NSF: variants seen among roughly 807,000 people sequenced by gnomAD.
NSF encodes the protein vesicle-fusing ATPase.
In NSF, 14 loss-of-function variants were observed where a neutral mutation model predicts 50.3. That is an observed-to-expected ratio of 0.28 (90% CI 0.18 to 0.44). The LOEUF is 0.44. Among genes scored for constraint, NSF ranks in the 20% least tolerant of loss-of-function variants. NSF has a pLI of 1.00. For synonymous variants in NSF, 109 were observed against 175.7 expected, an observed-to-expected ratio of 0.62 and a Z score of 3.00; for missense variants, 218 against 504.3, an observed-to-expected ratio of 0.43 and a Z score of 5.44.
Position 46,751,635 on chromosome 17 carries a change from C to T in NSF, c.2157+19C>T, listed in dbSNP as rs201877473. ...CCTACAGGTAAGGTACTTCGTTCTC[C>T]GTATGACTCAGACAGAACAAAGCTT... On this transcript the variant is annotated intron_variant, in intron 19 of 20. Transcript: ENST00000398238. 5.5e-4 allele frequency: 830 copies of T among 1,498,280 alleles called. 5 individuals are homozygous for T. The African/African-American group carries it at 0.01, about 18-fold the overall frequency. 92.8% of individuals were successfully genotyped at this position (1,498,280 alleles called of 1,614,324 possible). A position where few individuals can be genotyped will look rare whatever the true frequency, so the allele number is the denominator to read the frequency against.
chr17:46,741,588 CAAAAA>C (rs113562005), intron 17 of NSF, among the ~76,000 whole-genome samples: 24 of 144,884 alleles, frequency 1.7e-4, no homozygotes, highest in Admixed American at 1.2e-3. Flanking sequence ...CATTTAACTG[CAAAAA>C]AAAAAGAAAA....
At position 46,704,860 on chromosome 17, in the gene NSF, T is replaced by C; in HGVS notation, c.1470+6T>C. 6.3e-7 allele frequency: 1 copy of C among 1,596,488 alleles called. No individual in the cohort carries two copies. Among genetic ancestry groups the C allele is most frequent in the Non-Finnish European group, 8.5e-7 (1 of 1,175,852 alleles). On this transcript the variant is annotated splice_donor_region_variant and intron_variant, in intron 13 of 20. Transcript: ENST00000398238. Reference sequence around the variant, plus strand: ...TGGAGAATGATATCAAACCAGTGAGTATGCCCATTGAGTGATATATAGGCC... The same window carrying C: ...TGGAGAATGATATCAAACCAGTGAGCATGCCCATTGAGTGATATATAGGCC...
At chr17:46,750,924 A>T (rs2059176234) in intron 18 of NSF, among the ~76,000 whole-genome samples, 1 of 152,056 alleles carries the variant, frequency 6.6e-6, no homozygotes, top group African/African-American at 2.4e-5. Context: ...TTTTTTGAAA[A>T]TGACAGTCAT....
intron 16 of NSF, among the ~76,000 whole-genome samples, chr17:46,727,176 G>A (rs2058897618): frequency 6.6e-6 from 1 of 152,166 alleles, no homozygotes; most frequent in Non-Finnish European, 1.5e-5. Context: ...TAAAAGTGCA[G>A]TATAGTAATT....
chr17:46,724,932 T>A lies in NSF; in HGVS notation c.1762-1617T>A, dbSNP rs375450844. On this transcript the variant is annotated intron_variant, in intron 15 of 20. Coordinates refer to ENST00000398238, the MANE Select transcript of NSF (RefSeq NM_006178.4). ...CATTCCCTGACTTCAATCAGATATC[T>A]CCAACTTCTCACTTAATATTTCTAC... 1.2e-3 allele frequency among the ~76,000 whole-genome samples: 188 copies of A among 152,256 alleles called. 1 individual carries two copies. The highest frequency in any genetic ancestry group is 4.4e-3 in the African/African-American group (183 of 41,556).
At chr17:46,724,760 C>T (rs1276478838) in intron 15 of NSF, among the ~76,000 whole-genome samples, 10 of 152,104 alleles carry the variant, frequency 6.6e-5, no homozygotes, top group Admixed American at 6.6e-4. Context: ...AATAAGAATT[C>T]AAAAATATTT....
chr17:46,720,331 G>A (rs556990621), intron 15 of NSF, among the ~76,000 whole-genome samples: 2 of 152,254 alleles, frequency 1.3e-5, no homozygotes, highest in African/African-American at 2.4e-5. Context: ...TCTCTTTGGC[G>A]TAGAAAGGAG....
At chr17:46,717,456 T>G (rs2058784150) in intron 15 of NSF, among the ~76,000 whole-genome samples, 1 of 152,180 alleles carries the variant, frequency 6.6e-6, no homozygotes, top group Non-Finnish European at 1.5e-5. Context: ...TTCACGCCTG[T>G]AATCCCAGCA....
chr17:46,720,266 G>A (rs2058816180), intron 15 of NSF, among the ~76,000 whole-genome samples: 1 of 152,224 alleles, frequency 6.6e-6, no homozygotes, highest in Non-Finnish European at 1.5e-5. Context: ...TATGGCTGGG[G>A]AGGTGGGCAT....
chr17:46,657,317 A>G (rs1197714457), intron 8 of NSF, among the ~76,000 whole-genome samples: 2 of 148,952 alleles, frequency 1.3e-5, no homozygotes, highest in East Asian at 2.0e-4. Flanking sequence ...GATCAAAGCA[A>G]TCACTAAGCA....
chr17:46,735,718 G>A (rs1156685389), intron 17 of NSF, among the ~76,000 whole-genome samples: 5 of 152,160 alleles, frequency 3.3e-5, no homozygotes, highest in Admixed American at 6.5e-5. Flanking sequence ...GCTGAGACAG[G>A]TGGATCATTT....
At chr17:46,631,082 A>ACACACACACCCACACACACACG (rs1555668599) in intron 4 of NSF, among the ~76,000 whole-genome samples, 1 of 142,080 alleles carries the variant, frequency 7.0e-6, no homozygotes, top group Non-Finnish European at 1.5e-5. Context: ...ACACACACAC[A>ACACACACACCCACACACACACG]CACACACACA....
At position 46,738,012 on chromosome 17, in the gene NSF, C is replaced by A. The variant is rs574793971; in HGVS notation, c.1908+9078C>A. Among the ~76,000 whole-genome samples, 6 of 151,950 alleles carry A rather than the reference C, an allele frequency of 3.9e-5. No individual in the cohort carries two copies. In the South Asian group the frequency reaches 1.0e-3, roughly 26 times the overall value. ...TGCAGTGACGCAGTCTCAATCACTG[C>A]AGCCTTTACCTCCTGGGCTCAATTG... is the stretch of plus-strand genomic sequence containing the variant. On this transcript the variant is annotated intron_variant, in intron 17 of 20. Transcript: ENST00000398238.
chr17:46,749,849 G>A lies in NSF; in HGVS notation c.1985G>A (p.Ser662Asn). The A allele has an allele frequency of 6.2e-7, 1 of 1,614,130 alleles. No individual in the cohort carries two copies. The highest frequency in any genetic ancestry group is 8.5e-7 in the Non-Finnish European group (1 of 1,180,012). ...GAGATGGAAATGCTTAACGCTTTCA[G>A]CACCACCATCCACGTGCCCAACATT... Reference protein sequence around the residue: ...LQEMEMLNAFSTTIHVPNIAT... With the variant: ...LQEMEMLNAFNTTIHVPNIAT... The change falls in exon 18 of 21, where the codon AGC (serine) becomes AAC (asparagine). Residue 662 changes from serine to asparagine, a missense_variant. Coordinates refer to ENST00000398238, the MANE Select transcript of NSF (RefSeq NM_006178.4).
At chr17:46,676,239 T>C (rs371228165) in intron 9 of NSF, among the ~76,000 whole-genome samples, 12,767 of 142,118 alleles carry the variant, frequency 0.09, no homozygotes, top group Non-Finnish European at 0.14. Flanking sequence ...TCTTCTTTTT[T>C]TTTTTTTTTT....
chr17:46,622,383 G>A (rs1167369515), intron 1 of NSF, among the ~76,000 whole-genome samples: 2 of 150,514 alleles, frequency 1.3e-5, no homozygotes, highest in East Asian at 2.0e-4. Flanking sequence ...GCGTGAACCC[G>A]GGAGGCGGAG....
chr17:46,724,038 A>G (rs1001551435), intron 15 of NSF, among the ~76,000 whole-genome samples: 2 of 152,110 alleles, frequency 1.3e-5, no homozygotes, highest in African/African-American at 2.4e-5. Flanking sequence ...ATTGACACCA[A>G]CACCACTTTA....
intron 9 of NSF, among the ~76,000 whole-genome samples, chr17:46,688,302 G>A (rs2058511948): frequency 6.6e-6 from 1 of 150,668 alleles, no homozygotes; most frequent in Non-Finnish European, 1.5e-5. Flanking sequence ...CTTAAGTCTA[G>A]GAGTTCAAGA....
intron 15 of NSF, among the ~76,000 whole-genome samples, chr17:46,718,308 C>A (rs2058794851): frequency 6.6e-6 from 1 of 152,136 alleles, no homozygotes; most frequent in African/African-American, 2.4e-5. Flanking sequence ...GCCGGGCCAG[C>A]CCCACCTGAA....
Sources: gnomAD v4.1 joint callset for allele counts (sites outside exome capture counted in the v4.1 genomes callset) on GRCh38, gnomAD v4.1.1 for gene constraint, MANE v1.5 for transcripts, NCBI Gene and HGNC (gene_info 2026-07-23, HGNC 2026-07-21) for gene names.